UBR4: variants seen among roughly 807,000 people sequenced by gnomAD.
The protein encoded by UBR4 is ubiquitin protein ligase E3 component n-recognin 4.
Under a neutral mutation model 575.6 loss-of-function variants are expected in UBR4, and 124 were observed. The observed-to-expected ratio is 0.22, with a 90% CI of 0.19 to 0.25. The LOEUF (loss-of-function observed/expected upper bound fraction) is 0.25, where lower values mean the gene tolerates loss of function less well. Among genes scored for constraint, UBR4 ranks in the 10% least tolerant of loss-of-function variants. UBR4 has a pLI of 1.00. For synonymous variants in UBR4, 2,455 were observed against 2,473.7 expected (o/e 0.99, Z 0.22); for missense variants, 4,818 against 6,478.8 (o/e 0.74, Z 8.80).
chr1:19,183,909 T>C lies in UBR4; in HGVS notation c.2099-13A>G. ...TCATCTGATGAACCTTAAAGACAAG[T>C]AGAAAAGCCAATTATTTAAGCAGCT... is the stretch of plus-strand genomic sequence containing the variant. On this transcript the variant is annotated splice_polypyrimidine_tract_variant and intron_variant, in intron 16 of 105. Transcript: ENST00000375254. 2 of 1,613,882 alleles carry C rather than the reference T, an allele frequency of 1.2e-6. No homozygotes were observed. The highest frequency in any genetic ancestry group is 1.6e-4 in the Middle Eastern group (1 of 6,062).
At chr1:19,199,836 T>G in intron 2 of UBR4, 82 bp from the exon 3 acceptor site, 4 of 1,254,146 alleles carry the variant, frequency 3.2e-6, no homozygotes, top group South Asian at 1.3e-5. Flanking sequence ...TTGAGCTCTA[T>G]GTCCAACATT....
Position 19,081,591 on chromosome 1 carries a change from T to A in UBR4, c.15009-18A>T. 1 of 1,613,746 alleles carries A rather than the reference T, an allele frequency of 6.2e-7. No individual in the cohort carries two copies. Among genetic ancestry groups the A allele is most frequent in the Non-Finnish European group, 8.5e-7 (1 of 1,179,886 alleles). ...CTCGGGTTCTAGAAGAAAAGCGGCA[T>A]GATAAAATAAAAGCAGGGTGGAAGC... On this transcript the variant is annotated intron_variant, in intron 102 of 105. Transcript: ENST00000375254.
chr1:19,086,920 C>T, intron 99 of UBR4, 99 bp from the exon 100 acceptor site: 1 of 1,522,046 alleles, frequency 6.6e-7, no homozygotes, highest in Admixed American at 2.1e-5. Context: ...TGGGCAATGC[C>T]TTGGGTTTCA....
chr1:19,156,746 A>G, intron 41 of UBR4, 21 bp downstream of exon 41: 1 of 1,609,900 alleles, frequency 6.2e-7, no homozygotes, highest in South Asian at 1.1e-5. Flanking sequence ...AAGGCAATCA[A>G]ACCTAGATCC....
Position 19,127,753 on chromosome 1 carries a change from C to G in UBR4, c.9112-14G>C. On this transcript the variant is annotated splice_polypyrimidine_tract_variant and intron_variant, in intron 62 of 105. Coordinates refer to ENST00000375254, the MANE Select transcript of UBR4 (RefSeq NM_020765.3). Reference sequence around the variant, plus strand: ...CTTGGAGACATCCTGCAGGCCAAAGCGTAAGTCCAGAAACCTCTACTTACT... The same window carrying G: ...CTTGGAGACATCCTGCAGGCCAAAGGGTAAGTCCAGAAACCTCTACTTACT... 6.2e-7 allele frequency: 1 copy of G among 1,609,452 alleles called. No individual in the cohort carries two copies. The highest frequency in any genetic ancestry group is 8.5e-7 in the Non-Finnish European group (1 of 1,175,820).
At chr1:19,203,316 T>C (rs1017966458) in intron 1 of UBR4, among the ~76,000 whole-genome samples, 9 of 151,482 alleles carry the variant, frequency 5.9e-5, no homozygotes, top group Admixed American at 5.9e-4. Context: ...GCCTGGCCAA[T>C]ATGGTGAAAC....
intron 1 of UBR4, among the ~76,000 whole-genome samples, chr1:19,206,839 A>C (rs1322877834): frequency 6.6e-6 from 1 of 152,186 alleles, no homozygotes; most frequent in African/African-American, 2.4e-5. Flanking sequence ...TTGGTTGCAA[A>C]GTCAAACTTA....
intron 87 of UBR4, among the ~76,000 whole-genome samples, chr1:19,102,429 G>A (rs891421759): frequency 2.0e-5 from 3 of 151,880 alleles, no homozygotes; most frequent in Non-Finnish European, 2.9e-5. Context: ...AAAAGGTAAA[G>A]GTCCCTGACG....
rs1326751535 is a variant in UBR4, at chr1:19,187,107, T to G, written c.1632+57A>C. 2.5e-6 allele frequency: 3 copies of G among 1,185,200 alleles called. No individual in the cohort carries two copies. In the Admixed American group the frequency reaches 7.5e-5, roughly 29 times the overall value. 73.4% of individuals were successfully genotyped at this position (1,185,200 alleles called of 1,614,324 possible). A position where few individuals can be genotyped will look rare whatever the true frequency, so the allele number is the denominator to read the frequency against. On this transcript the variant is annotated intron_variant, in intron 13 of 105. Coordinates refer to ENST00000375254, the MANE Select transcript of UBR4 (RefSeq NM_020765.3). ...ATATATATATATATACATATATATA[T>G]CATATATATAAAATGAGACATTCTT...
At chr1:19,166,081 A>G (rs186328755) in intron 29 of UBR4, among the ~76,000 whole-genome samples, 162 of 152,362 alleles carry the variant, frequency 1.1e-3, no homozygotes, top group Non-Finnish European at 8.1e-4. Flanking sequence ...CTACACAGCT[A>G]AAAGTGTCTG....
At position 19,161,807 on chromosome 1, in the gene UBR4, AAAGG is replaced by A; in HGVS notation, c.5027+16_5027+19del. 4 of 1,614,232 alleles carry A rather than the reference AAAGG, an allele frequency of 2.5e-6. No individual in the cohort carries two copies. Among genetic ancestry groups the A allele is most frequent in the Non-Finnish European group, 3.4e-6 (4 of 1,180,022 alleles). On this transcript the variant is annotated intron_variant, in intron 36 of 105. Coordinates refer to ENST00000375254, the MANE Select transcript of UBR4 (RefSeq NM_020765.3). ...TCGGTGCCCAGCAAATCTTCACCTT[AAAGG>A]AAGAACTACCCTTACCAATGCTGGT...
chr1:19,168,181 T>C lies in UBR4; in HGVS notation c.3745A>G (p.Asn1249Asp). Reference sequence around the variant, plus strand: ...GGGATGGTGTCATTGGCAAAGGCATTGCGCTGAAAGGAAGCAAAGCAGATG... The same window carrying C: ...GGGATGGTGTCATTGGCAAAGGCATCGCGCTGAAAGGAAGCAAAGCAGATG... Reference protein sequence around the residue: ...NEFPNIGSWRNAFANDTIPSE... With the variant: ...NEFPNIGSWRDAFANDTIPSE... Residue 1249 changes from asparagine to aspartate, a missense_variant, in exon 28 of 106, where the codon AAT becomes GAT. Physicochemically the swap from Asn to Asp is conservative, Grantham distance 23. Coordinates refer to ENST00000375254, the MANE Select transcript of UBR4 (RefSeq NM_020765.3). 1.3e-6 allele frequency: 2 copies of C among 1,577,046 alleles called. No individual in the cohort carries two copies. Among genetic ancestry groups the C allele is most frequent in the East Asian group, 2.3e-5 (1 of 43,886 alleles).
At position 19,176,580 on chromosome 1, in the gene UBR4, C is replaced by G; in HGVS notation, c.2773+12G>C. ...AGTAAGTCAGTTTCTTATTAACAGT[C>G]TTCTTTCTGACCTGATGAGAAATGC... On this transcript the variant is annotated intron_variant, in intron 20 of 105. Transcript: ENST00000375254. 6.2e-7 allele frequency: 1 copy of G among 1,611,732 alleles called. No homozygotes were observed. Among genetic ancestry groups the G allele is most frequent in the South Asian group, 1.1e-5 (1 of 90,974 alleles).
At chr1:19,119,471 T>G in intron 70 of UBR4, 86 bp downstream of exon 70, 2 of 1,539,944 alleles carry the variant, frequency 1.3e-6, no homozygotes, top group Admixed American at 3.9e-5. Flanking sequence ...ACTCCCTATA[T>G]CTGGGTTGTT....
At position 19,088,891 on chromosome 1, in the gene UBR4, G is replaced by A; in HGVS notation, c.14298C>T (p.Asn4766=). 6.2e-7 allele frequency: 1 copy of A among 1,614,180 alleles called. No homozygotes were observed. Among genetic ancestry groups the A allele is most frequent in the Non-Finnish European group, 8.5e-7 (1 of 1,180,032 alleles). ...SDEGIGTLAE[N]LLEALREHPD... ...GGTGTTCCCGCAGGGCTTCCAGCAG[G>A]TTCTCTGCCAAGGTCCCAATGCCCT... The change falls in exon 98 of 106, where the codon AAC becomes AAT. Residue 4766 remains asparagine (N), a synonymous_variant. Coordinates refer to ENST00000375254, the MANE Select transcript of UBR4 (RefSeq NM_020765.3). This position sits in a 1 kb window ranked among gnomAD's most constrained non-coding sequence, Gnocchi z 4.0.
Position 19,140,892 on chromosome 1 carries a change from C to T in UBR4, c.8489G>A (p.Gly2830Asp). 6.2e-7 allele frequency: 1 copy of T among 1,605,800 alleles called. No individual in the cohort carries two copies. Among genetic ancestry groups the T allele is most frequent in the Non-Finnish European group, 8.5e-7 (1 of 1,177,528 alleles). The part of the protein sequence containing the change: ...IALSLQQDQQ[G>D]SSSSALGLQS... ...CAGGCCCAGGGCACTGCTGCTGCTG[C>T]CTGGGAAACAAGTGGAGAGTGAGCA... The change falls in exon 58 of 106, where the codon GGC (glycine) becomes GAC (aspartate). Residue 2830 changes from glycine to aspartate, a missense_variant and splice_region_variant. Transcript: ENST00000375254.
In UBR4 at chr1:19,104,856, C is replaced by A. The variant is rs150390751; in HGVS notation, c.12646-190G>T. 1.7e-3 allele frequency: 1,892 copies of A among 1,120,260 alleles called. 17 individuals are homozygous for A. The highest frequency in any genetic ancestry group is 0.013 in the African/African-American group (825 of 63,816). 69.4% of individuals were successfully genotyped at this position (1,120,260 alleles called of 1,614,324 possible). On this transcript the variant is annotated intron_variant, in intron 85 of 105. Transcript: ENST00000375254. ...TAAGGGATTGCTTAAAAACTGTAAA[C>A]AGTCCAAATGCTCCCAAGAGTTTGC...
At chr1:19,119,399 T>C (rs1387388226) in intron 70 of UBR4, among the ~76,000 whole-genome samples, 158 bp downstream of exon 70, 5 of 152,214 alleles carry the variant, frequency 3.3e-5, no homozygotes, top group African/African-American at 1.2e-4. Flanking sequence ...ATCACAGACA[T>C]ATTACGAGTG....
intron 60 of UBR4, among the ~76,000 whole-genome samples, chr1:19,131,896 T>C (rs2082511448): frequency 6.6e-6 from 1 of 151,768 alleles, no homozygotes; most frequent in Admixed American, 6.6e-5. Flanking sequence ...AACAAAAAAA[T>C]CTACAAACAC....
Sources: allele counts gnomAD v4.1 joint callset (sites outside exome capture counted in the v4.1 genomes callset), GRCh38; gene constraint gnomAD v4.1.1; non-coding constraint Gnocchi (gnomAD v3.1); transcripts MANE v1.5; gene names NCBI Gene and HGNC (gene_info 2026-07-23, HGNC 2026-07-21).